Variants in PIK3CD observed in about 807,000 individuals in gnomAD.
PIK3CD encodes the protein phosphatidylinositol 4,5-bisphosphate 3-kinase catalytic subunit delta isoform.
Under a neutral mutation model 122.9 loss-of-function variants are expected in PIK3CD, and 20 were observed. That is an observed-to-expected ratio of 0.16 (90% CI 0.11 to 0.24). PIK3CD has a LOEUF of 0.24. PIK3CD is among the 10% of genes least tolerant of loss of function. The pLI is 1.00. For missense variants in PIK3CD, 787 were observed against 1,406.3 expected (o/e 0.56, Z 7.04); for synonymous variants, 596 against 593.4 (o/e 1.00, Z -0.06).
In PIK3CD at chr1:9,722,274, G is replaced by A. The variant is rs139778709; in HGVS notation, c.2265G>A (p.Lys755=). 868 of 1,613,596 alleles carry A rather than the reference G, an allele frequency of 5.4e-4. 1 individual carries two copies. Among genetic ancestry groups the A allele is most frequent in the Non-Finnish European group, 7.2e-4 (846 of 1,179,950 alleles). Residue 755 remains lysine (K), a synonymous_variant, in exon 18 of 24, where the codon AAG becomes AAA. Transcript: ENST00000377346. This position sits in a 1 kb window ranked among gnomAD's most constrained non-coding sequence, Gnocchi z 7.6. The stretch of plus-strand genomic sequence containing the variant: ...AGCAGTGCACCTTCATGGACTCCAA[G>A]ATGAAGCCCCTGTGGATCATGTACA... ...CVEQCTFMDS[K]MKPLWIMYSN...
At chr1:9,686,168 G>A (rs947167114) in intron 1 of PIK3CD, among the ~76,000 whole-genome samples, 5 of 152,244 alleles carry the variant, frequency 3.3e-5, no homozygotes, top group South Asian at 2.1e-4. Context: ...TGGGAGCAGA[G>A]GCTCATTTGG....
chr1:9,658,760 C>T (rs935822714), intron 1 of PIK3CD, among the ~76,000 whole-genome samples: 1 of 152,074 alleles, frequency 6.6e-6, no homozygotes, highest in African/African-American at 2.4e-5. Flanking sequence ...AAACTCCTGA[C>T]CTCAGGTGAT....
chr1:9,666,512 A>G (rs1645165059), intron 1 of PIK3CD, among the ~76,000 whole-genome samples: 1 of 151,612 alleles, frequency 6.6e-6, no homozygotes, highest in African/African-American at 2.4e-5. Flanking sequence ...GATTACAGGT[A>G]TGAGCCACCA....
At chr1:9,676,512 G>C (rs1170357324) in intron 1 of PIK3CD, among the ~76,000 whole-genome samples, 3 of 152,226 alleles carry the variant, frequency 2.0e-5, no homozygotes, top group Non-Finnish European at 2.9e-5. Flanking sequence ...CCAATGCCAG[G>C]GGCAAGCAAG....
chr1:9,711,811 T>G (rs528823682), intron 3 of PIK3CD, among the ~76,000 whole-genome samples: 1 of 152,302 alleles, frequency 6.6e-6, no homozygotes, highest in Non-Finnish European at 1.5e-5. Flanking sequence ...GTGCCTTTCA[T>G]TTTTGAAACC....
chr1:9,630,117 G>GA, the PIK3CD span, among the ~76,000 whole-genome samples: 1 of 152,228 alleles, frequency 6.6e-6, no homozygotes, highest in Non-Finnish European at 1.5e-5. Flanking sequence ...TCCTCACTCT[G>GA]AAAACAGCAT....
At chr1:9,692,922 C>T (rs1252018271) in intron 2 of PIK3CD, among the ~76,000 whole-genome samples, 1 of 152,098 alleles carries the variant, frequency 6.6e-6, no homozygotes, top group African/African-American at 2.4e-5. Flanking sequence ...TAAGCAAAAG[C>T]CATAGATCAT....
the PIK3CD span, among the ~76,000 whole-genome samples, chr1:9,636,275 C>T: frequency 6.6e-6 from 1 of 152,186 alleles, no homozygotes; most frequent in Non-Finnish European, 1.5e-5. Context: ...CTCACTTCAG[C>T]CTCCACCTCC....
At chr1:9,683,037 CTT>C (rs773555400) in intron 1 of PIK3CD, among the ~76,000 whole-genome samples, 143 of 123,460 alleles carry the variant, frequency 1.2e-3, no homozygotes, top group African/African-American at 3.5e-3. Context: ...GGCCCTGGAC[CTT>C]TTTTTTTTTT....
chr1:9,668,397 C>T (rs577247035), intron 1 of PIK3CD, among the ~76,000 whole-genome samples: 64 of 151,634 alleles, frequency 4.2e-4, no homozygotes, highest in African/African-American at 1.5e-3. Flanking sequence ...ATGAACATCA[C>T]CTTCCACATA....
chr1:9,722,652 C>T lies in PIK3CD; in HGVS notation c.2426+46C>T. On this transcript the variant is annotated intron_variant, in intron 19 of 23. Transcript: ENST00000377346. This position sits in a 1 kb window ranked among gnomAD's most constrained non-coding sequence, Gnocchi z 7.6. ...TCGTCCCTTGGTGTCTGTGCCCAGC[C>T]TGGGAGTCTGTGCCCCTGGAGGGGT... 1 of 1,507,542 alleles carries T rather than the reference C, an allele frequency of 6.6e-7. No individual in the cohort carries two copies. The highest frequency in any genetic ancestry group is 9.2e-7 in the Non-Finnish European group (1 of 1,083,574). 93.4% of individuals were successfully genotyped at this position (1,507,542 alleles called of 1,614,324 possible).
At chr1:9,696,121 G>A (rs925720811) in intron 2 of PIK3CD, among the ~76,000 whole-genome samples, 6 of 151,698 alleles carry the variant, frequency 4.0e-5, no homozygotes, top group Admixed American at 2.6e-4. Context: ...ACAGGTGTAC[G>A]CCACCATGCC....
At chr1:9,701,910 C>G (rs1327011522) in intron 2 of PIK3CD, among the ~76,000 whole-genome samples, 1 of 151,932 alleles carries the variant, frequency 6.6e-6, no homozygotes, top group East Asian at 1.9e-4. Context: ...TACTCTCAGG[C>G]TAAGCAAATA....
In PIK3CD at chr1:9,721,277, C is replaced by T. The variant is rs373463850; in HGVS notation, c.1811+29C>T. The T allele has an allele frequency of 1.2e-4, 200 of 1,612,978 alleles. No individual in the cohort carries two copies. The African/African-American group carries it at 2.4e-3, about 19-fold the overall frequency. ...AGTCCCAGCTGGGCGCTCCCCACTT[C>T]TCCAGAGGGCAGCTGTGTCCTGGCT... On this transcript the variant is annotated intron_variant, in intron 14 of 23. Transcript: ENST00000377346.
At position 9,717,612 on chromosome 1, in the gene PIK3CD, G is replaced by A. The variant is rs760642664; in HGVS notation, c.1006G>A (p.Asp336Asn). 2 of 1,614,102 alleles carry A rather than the reference G, an allele frequency of 1.2e-6. No homozygotes were observed. Among genetic ancestry groups the A allele is most frequent in the Non-Finnish European group, 1.7e-6 (2 of 1,180,008 alleles). ...CATCCAGGGCAGCAAAGTGAACGCCGACGAGCGGATGAAGGTGGGGCTCCT... is the reference window on the plus strand; with the variant it reads ...CATCCAGGGCAGCAAAGTGAACGCCAACGAGCGGATGAAGGTGGGGCTCCT... ...ELIQGSKVNA[D>N]ERMKLVVQAG... The change falls in exon 8 of 24, where the codon GAC becomes AAC. Residue 336 changes from aspartate (D) to asparagine (N), a missense_variant. Around this residue, in one of 6 missense-constraint regions of PIK3CD, gnomAD observed 592 missense variants for 920.6 expected, o/e 0.64. Transcript: ENST00000377346. The surrounding 1 kb of genome is among the most constrained non-coding windows in gnomAD (Gnocchi z 5.4).
intron 15 of PIK3CD, 48 bp from the exon 16 acceptor site, chr1:9,721,713 G>T (rs374128968): frequency 1.2e-6 from 2 of 1,605,312 alleles, no homozygotes; most frequent in South Asian, 1.1e-5. Flanking sequence ...GGCGGGAGGG[G>T]CTGCGTGGTG....
chr1:9,669,028 G>C (rs960360360), intron 1 of PIK3CD, among the ~76,000 whole-genome samples: 1 of 152,194 alleles, frequency 6.6e-6, no homozygotes, highest in Non-Finnish European at 1.5e-5. Context: ...CTCACATCCA[G>C]ATGACCCTAT....
chr1:9,666,807 C>T (rs1485688084), intron 1 of PIK3CD, among the ~76,000 whole-genome samples: 1 of 150,818 alleles, frequency 6.6e-6, no homozygotes, highest in Non-Finnish European at 1.5e-5. Context: ...CGGGTTCAGG[C>T]AATTCTGCCT....
At chr1:9,635,483 G>A in the PIK3CD span, among the ~76,000 whole-genome samples, 1 of 152,050 alleles carries the variant, frequency 6.6e-6, no homozygotes, top group Admixed American at 6.6e-5. Flanking sequence ...GACCACCCAC[G>A]CTCCAGGTGT....
Sources: gnomAD v4.1 joint callset for allele counts (sites outside exome capture counted in the v4.1 genomes callset) on GRCh38, gnomAD v4.1.1 for gene constraint, gnomAD v4.1.1 regional missense constraint, Gnocchi (gnomAD v3.1) non-coding constraint, MANE v1.5 for transcripts, NCBI Gene and HGNC (gene_info 2026-07-23, HGNC 2026-07-21) for gene names.